PLCXD3: variants seen among roughly 807,000 people sequenced by gnomAD.
PLCXD3 encodes PI-PLC X domain-containing protein 3.
Under a neutral mutation model 25.5 loss-of-function variants are expected in PLCXD3, and 19 were observed. The ratio of observed to expected loss-of-function variants is 0.75; its 90% CI spans 0.52 to 1.09. The LOEUF (loss-of-function observed/expected upper bound fraction) is 1.09. Among genes scored for constraint, PLCXD3 ranks in the 50% least tolerant of loss-of-function variants. PLCXD3 has a pLI of 0.00. For synonymous variants in PLCXD3, 174 were observed against 137.6 expected (o/e 1.26, Z -1.85); for missense variants, 411 against 388.1 (o/e 1.06, Z -0.50).
chr5:41,502,453 A>T (rs1748973268), intron 1 of PLCXD3, among the ~76,000 whole-genome samples: 1 of 152,026 alleles, frequency 6.6e-6, no homozygotes, highest in Admixed American at 6.6e-5. Flanking sequence ...ATTAACTGTT[A>T]ATGTGCTTTA....
chr5:41,501,824 C>T (rs539692269), intron 1 of PLCXD3, among the ~76,000 whole-genome samples: 1 of 152,002 alleles, frequency 6.6e-6, no homozygotes, highest in Non-Finnish European at 1.5e-5. Flanking sequence ...AGAGAATTAA[C>T]CATTACCTTT....
chr5:41,459,801 C>T (rs535363960), intron 1 of PLCXD3, among the ~76,000 whole-genome samples: 34 of 151,992 alleles, frequency 2.2e-4, no homozygotes, highest in African/African-American at 7.2e-4. Context: ...TCACTTCTTG[C>T]AAACTTTCTT....
At chr5:41,357,897 T>C (rs1744663107) in intron 2 of PLCXD3, among the ~76,000 whole-genome samples, 2 of 152,158 alleles carry the variant, frequency 1.3e-5, no homozygotes, top group Non-Finnish European at 2.9e-5. Flanking sequence ...TATTGAAAAC[T>C]CCGAATCATC....
At chr5:41,462,991 C>G (rs983462311) in intron 1 of PLCXD3, among the ~76,000 whole-genome samples, 7 of 151,804 alleles carry the variant, frequency 4.6e-5, no homozygotes, top group Non-Finnish European at 1.0e-4. Flanking sequence ...ATGGAAATAG[C>G]AGATGCAGGA....
chr5:41,398,647 T>C (rs1040952379), intron 1 of PLCXD3, among the ~76,000 whole-genome samples: 5 of 152,164 alleles, frequency 3.3e-5, no homozygotes, highest in African/African-American at 9.7e-5. Flanking sequence ...TTTCAATTGA[T>C]GCTGAAAAAA....
At chr5:41,424,192 G>GTTAGATGATTATATTATTACTT (rs1746894595) in intron 1 of PLCXD3, among the ~76,000 whole-genome samples, 1 of 151,742 alleles carries the variant, frequency 6.6e-6, no homozygotes, top group Admixed American at 6.6e-5. Flanking sequence ...TAACTTTTGG[G>GTTAGATGATTATATTATTACTT]TTAGATGATT....
chr5:41,477,728 T>C (rs1748312409), intron 1 of PLCXD3, among the ~76,000 whole-genome samples: 1 of 152,154 alleles, frequency 6.6e-6, no homozygotes. Flanking sequence ...GAAGAGGCTG[T>C]CCTATATCTC....
At chr5:41,426,115 G>A (rs188145090) in intron 1 of PLCXD3, among the ~76,000 whole-genome samples, 15 of 152,070 alleles carry the variant, frequency 9.9e-5, no homozygotes, top group African/African-American at 3.6e-4. Flanking sequence ...TCAATATTTG[G>A]TATTGTCAGT....
intron 1 of PLCXD3, among the ~76,000 whole-genome samples, chr5:41,485,754 G>A (rs947998713): frequency 2.0e-5 from 3 of 152,058 alleles, no homozygotes; most frequent in South Asian, 2.1e-4. Context: ...ACACATTTTC[G>A]CTGCCATGTC....
At chr5:41,469,367 T>G (rs1019489960) in intron 1 of PLCXD3, among the ~76,000 whole-genome samples, 1 of 152,142 alleles carries the variant, frequency 6.6e-6, no homozygotes, top group African/African-American at 2.4e-5. Flanking sequence ...TGGTCTCGGG[T>G]CATGCTATCT....
chr5:41,325,743 T>G (rs1362306486), intron 2 of PLCXD3, among the ~76,000 whole-genome samples: 1 of 152,188 alleles, frequency 6.6e-6, no homozygotes, highest in Non-Finnish European at 1.5e-5. Flanking sequence ...GTAACAATTT[T>G]TATGGTATAA....
At chr5:41,443,071 A>C (rs1747417943) in intron 1 of PLCXD3, among the ~76,000 whole-genome samples, 2 of 148,686 alleles carry the variant, frequency 1.3e-5, no homozygotes, top group Admixed American at 6.8e-5. Context: ...ATAATTATAC[A>C]TATCCAGAGG....
intron 1 of PLCXD3, among the ~76,000 whole-genome samples, chr5:41,473,507 C>A (rs774605397): frequency 2.9e-4 from 44 of 151,892 alleles, no homozygotes; most frequent in Non-Finnish European, 5.1e-4. Context: ...TTCTCTGTTG[C>A]CCAGGCTGGA....
At chr5:41,508,995 C>T (rs1738952691) in intron 1 of PLCXD3, among the ~76,000 whole-genome samples, 1 of 152,104 alleles carries the variant, frequency 6.6e-6, no homozygotes, top group Non-Finnish European at 1.5e-5. Flanking sequence ...TGAAGAAGGA[C>T]GAAAGGAGAC....
chr5:41,498,217 G>T (rs368945297), intron 1 of PLCXD3, among the ~76,000 whole-genome samples: 2 of 151,204 alleles, frequency 1.3e-5, no homozygotes, highest in East Asian at 3.9e-4. Context: ...ATAGAGAATA[G>T]AAACAGCAAT....
At chr5:41,510,346 C>T in intron 1 of PLCXD3, 78 bp downstream of exon 1, 2 of 1,265,376 alleles carry the variant, frequency 1.6e-6, no homozygotes. Flanking sequence ...GGCAAGTTAC[C>T]ACTTAGTGGC....
At chr5:41,386,269 T>G (rs561184372) in intron 1 of PLCXD3, among the ~76,000 whole-genome samples, 23 of 152,284 alleles carry the variant, frequency 1.5e-4, no homozygotes, top group African/African-American at 5.5e-4. Context: ...TATTCTTGAA[T>G]TCACAAATGG....
At chr5:41,406,239 T>G (rs980313951) in intron 1 of PLCXD3, among the ~76,000 whole-genome samples, 4 of 152,106 alleles carry the variant, frequency 2.6e-5, no homozygotes, top group African/African-American at 9.7e-5. Context: ...ATTGCAGACC[T>G]CAACTTGCTT....
chr5:41,447,722 C>T (rs1357173124), intron 1 of PLCXD3, among the ~76,000 whole-genome samples: 1 of 152,216 alleles, frequency 6.6e-6, no homozygotes, highest in East Asian at 1.9e-4. Flanking sequence ...ACAGCTATCC[C>T]TCTCTGCAAA....
Sources: gnomAD v4.1 joint callset for allele counts (sites outside exome capture counted in the v4.1 genomes callset) on GRCh38, gnomAD v4.1.1 for gene constraint, MANE v1.5 for transcripts, NCBI Gene and HGNC (gene_info 2026-07-23, HGNC 2026-07-21) for gene names.